STT3B: variants seen among roughly 807,000 people sequenced by gnomAD.
STT3B encodes dolichyl-diphosphooligosaccharide--protein glycosyltransferase subunit STT3B.
A neutral mutation model predicts 96.8 loss-of-function variants in STT3B; 29 were observed. That is an observed-to-expected ratio of 0.30 (90% CI 0.22 to 0.41). STT3B has a LOEUF of 0.41. STT3B is among the 10% of genes least tolerant of loss of function. The pLI is 1.00. For missense variants in STT3B, 640 were observed against 1,022.3 expected, an observed-to-expected ratio of 0.63 and a Z score of 5.10; for synonymous variants, 367 against 360.0, an observed-to-expected ratio of 1.02 and a Z score of -0.22.
At chr3:31,614,839 A>G (rs1167978202) in intron 5 of STT3B, among the ~76,000 whole-genome samples, 1 of 151,924 alleles carries the variant, frequency 6.6e-6, no homozygotes, top group Non-Finnish European at 1.5e-5. Context: ...ACTTGATTCC[A>G]TTTCTGGGAA....
chr3:31,572,787 G>T (rs1037662458), intron 1 of STT3B, among the ~76,000 whole-genome samples: 2 of 152,134 alleles, frequency 1.3e-5, no homozygotes, highest in Non-Finnish European at 2.9e-5. Context: ...CTTGAGACTT[G>T]GAGGCTGAAG....
chr3:31,541,640 G>T (rs915625243), intron 1 of STT3B, among the ~76,000 whole-genome samples: 2 of 151,906 alleles, frequency 1.3e-5, no homozygotes, highest in African/African-American at 4.8e-5. Context: ...GCAGTGGCGC[G>T]ATCTCAGCTC....
At chr3:31,620,504 A>G (rs966093209) in intron 9 of STT3B, among the ~76,000 whole-genome samples, 1 of 152,148 alleles carries the variant, frequency 6.6e-6, no homozygotes, top group African/African-American at 2.4e-5. Flanking sequence ...TTTCAGAGCA[A>G]AGACCATTTT....
At chr3:31,542,514 A>T (rs1218451203) in intron 1 of STT3B, among the ~76,000 whole-genome samples, 1 of 152,190 alleles carries the variant, frequency 6.6e-6, no homozygotes, top group African/African-American at 2.4e-5. Flanking sequence ...TCTTTCTTCA[A>T]ACTCTGTTTA....
chr3:31,549,168 T>C (rs1043166413), intron 1 of STT3B, among the ~76,000 whole-genome samples: 1 of 152,206 alleles, frequency 6.6e-6, no homozygotes, highest in African/African-American at 2.4e-5. Context: ...ATAATAAAAC[T>C]AGGACTGACT....
intron 1 of STT3B, among the ~76,000 whole-genome samples, chr3:31,551,079 A>G (rs932485608): frequency 3.9e-5 from 6 of 152,174 alleles, no homozygotes; most frequent in African/African-American, 1.4e-4. Flanking sequence ...AAGGAGAAAG[A>G]ATAGAATAAT....
chr3:31,622,672 T>G (rs1387467889), intron 10 of STT3B, among the ~76,000 whole-genome samples: 2 of 152,186 alleles, frequency 1.3e-5, no homozygotes, highest in Non-Finnish European at 2.9e-5. Context: ...GACAGACAGG[T>G]GCTTATCCTT....
intron 3 of STT3B, among the ~76,000 whole-genome samples, chr3:31,582,916 T>G (rs1698443255): frequency 6.6e-6 from 1 of 152,240 alleles, no homozygotes; most frequent in Non-Finnish European, 1.5e-5. Flanking sequence ...TCTGTCTTTT[T>G]AAATCTATTG....
intron 3 of STT3B, among the ~76,000 whole-genome samples, chr3:31,590,506 A>G (rs1698642359): frequency 6.6e-6 from 1 of 151,996 alleles, no homozygotes. Context: ...GTGGTTGAAT[A>G]TTCTTCGAAT....
chr3:31,536,059 AT>A (rs1345165143), intron 1 of STT3B, among the ~76,000 whole-genome samples: 1 of 152,164 alleles, frequency 6.6e-6, no homozygotes, highest in African/African-American at 2.4e-5. Flanking sequence ...GACAAAAAAA[AT>A]ACCTTGTTCT....
intron 9 of STT3B, 64 bp from the exon 10 acceptor site, chr3:31,622,033 A>G (rs1445986724): frequency 1.8e-6 from 2 of 1,130,434 alleles, no homozygotes; most frequent in Non-Finnish European, 2.6e-6. Flanking sequence ...AGTTTTAAGT[A>G]TCTAGTTCAG....
chr3:31,622,432 T>C, intron 10 of STT3B, 124 bp downstream of exon 10: 1 of 835,268 alleles, frequency 1.2e-6, no homozygotes, highest in Non-Finnish European at 1.9e-6. Flanking sequence ...GTGACTTTTC[T>C]AGTTGGTCTC....
intron 3 of STT3B, among the ~76,000 whole-genome samples, chr3:31,596,210 G>T (rs1235676270): frequency 6.6e-6 from 1 of 152,104 alleles, no homozygotes; most frequent in Admixed American, 6.6e-5. Context: ...TGGTTTTATT[G>T]TAATAGATTA....
chr3:31,602,303 C>CTT (rs199938328), intron 5 of STT3B, among the ~76,000 whole-genome samples: 3 of 147,488 alleles, frequency 2.0e-5, no homozygotes, highest in East Asian at 3.9e-4. Context: ...ACAGATTAAA[C>CTT]TTTTTTTTTT....
intron 4 of STT3B, 81 bp downstream of exon 4, chr3:31,596,944 G>A: frequency 5.6e-6 from 6 of 1,064,866 alleles, no homozygotes; most frequent in Non-Finnish European, 8.4e-6. Flanking sequence ...GAAGTCTGTA[G>A]GATTTTTATT....
chr3:31,634,833 T>C (rs563217351), intron 15 of STT3B, among the ~76,000 whole-genome samples: 17 of 152,276 alleles, frequency 1.1e-4, no homozygotes, highest in Middle Eastern at 3.4e-3. Context: ...GTAATTATAA[T>C]AAAGAAACTA....
At chr3:31,562,598 A>G (rs532815928) in intron 1 of STT3B, among the ~76,000 whole-genome samples, 2 of 152,210 alleles carry the variant, frequency 1.3e-5, no homozygotes, top group African/African-American at 4.8e-5. Context: ...CTGCTCTACT[A>G]GGGAAGGTGG....
intron 1 of STT3B, among the ~76,000 whole-genome samples, chr3:31,538,010 A>G (rs1310241075): frequency 2.6e-5 from 4 of 152,192 alleles, no homozygotes; most frequent in East Asian, 1.9e-4. Flanking sequence ...GAGTGAAAAT[A>G]CTGCAGTTAA....
At chr3:31,619,131 T>C (rs969806254) in intron 8 of STT3B, among the ~76,000 whole-genome samples, 2 of 152,048 alleles carry the variant, frequency 1.3e-5, no homozygotes, top group Non-Finnish European at 2.9e-5. Context: ...ACAGGTTGAG[T>C]ATTCAAAATC....
Sources: allele counts gnomAD v4.1 joint callset (sites outside exome capture counted in the v4.1 genomes callset), GRCh38; gene constraint gnomAD v4.1.1; transcripts MANE v1.5; gene names NCBI Gene and HGNC (gene_info 2026-07-23, HGNC 2026-07-21).